Variants in ABCC2 observed in about 807,000 individuals in gnomAD.
ABCC2 encodes ATP binding cassette subfamily C member 2.
A neutral mutation model predicts 173.4 loss-of-function variants in ABCC2; 157 were observed. That is an observed-to-expected ratio of 0.91 (90% CI 0.80 to 1.03). The LOEUF (loss-of-function observed/expected upper bound fraction) is 1.03. Among genes scored for constraint, ABCC2 ranks in the 50% least tolerant of loss-of-function variants. The pLI is 0.00. For synonymous variants in ABCC2, 657 were observed against 693.5 expected, an observed-to-expected ratio of 0.95 and a Z score of 0.83; for missense variants, 1,822 against 1,852.3, an observed-to-expected ratio of 0.98 and a Z score of 0.30.
chr10:99,826,002 G>A (rs1424583699), intron 19 of ABCC2, among the ~76,000 whole-genome samples: 1 of 152,236 alleles, frequency 6.6e-6, no homozygotes, highest in Non-Finnish European at 1.5e-5. Context: ...TCCCGACAAT[G>A]GTTGCCCATT....
chr10:99,835,351 GGTTATTGGAGGGAACATCT>G (rs2038804111), intron 24 of ABCC2, among the ~76,000 whole-genome samples: 2 of 151,980 alleles, frequency 1.3e-5, no homozygotes, highest in South Asian at 4.2e-4. Flanking sequence ...CAAGAAGCAG[GGTTATTGGAGGGAACATCT>G]GTATGTCCAT....
At chr10:99,832,996 G>A (rs748807115) in intron 23 of ABCC2, among the ~76,000 whole-genome samples, 10 of 152,230 alleles carry the variant, frequency 6.6e-5, no homozygotes, top group Non-Finnish European at 1.2e-4. Flanking sequence ...AATTCTGAAT[G>A]ATAAGTAACT....
intron 7 of ABCC2, among the ~76,000 whole-genome samples, 197 bp from the exon 8 acceptor site, chr10:99,799,010 T>C (rs1268844718): frequency 6.6e-6 from 1 of 152,068 alleles, no homozygotes; most frequent in Non-Finnish European, 1.5e-5. Flanking sequence ...TAATCTAAAA[T>C]AGATTACAAG....
chr10:99,834,123 C>T (rs2038781692), intron 23 of ABCC2, among the ~76,000 whole-genome samples: 1 of 152,200 alleles, frequency 6.6e-6, no homozygotes, highest in African/African-American at 2.4e-5. Context: ...CTCAGGTGAT[C>T]CACCCGCCTC....
chr10:99,799,724 G>A (rs370917551), intron 8 of ABCC2, among the ~76,000 whole-genome samples: 3 of 152,052 alleles, frequency 2.0e-5, no homozygotes, highest in African/African-American at 7.2e-5. Flanking sequence ...AGCCTTCCAC[G>A]GGAGGTTCAG....
intron 2 of ABCC2, among the ~76,000 whole-genome samples, chr10:99,785,766 G>GC (rs1280803643): frequency 6.6e-6 from 1 of 152,018 alleles, no homozygotes; most frequent in African/African-American, 2.4e-5. Flanking sequence ...GATCCCTCCT[G>GC]CCTTGGCCTC....
intron 16 of ABCC2, among the ~76,000 whole-genome samples, chr10:99,816,438 C>T (rs1248760978): frequency 2.0e-5 from 3 of 152,134 alleles, no homozygotes; most frequent in African/African-American, 7.2e-5. Flanking sequence ...CTTGTGCCAC[C>T]AAGCCCAGCT....
At chr10:99,812,719 C>T (rs368197848) in intron 15 of ABCC2, among the ~76,000 whole-genome samples, 1 of 152,108 alleles carries the variant, frequency 6.6e-6, no homozygotes, top group African/African-American at 2.4e-5. Flanking sequence ...CAATGGGTAA[C>T]CATGTTAGTT....
At position 99,805,450 on chromosome 10, in the gene ABCC2, G is replaced by A. The variant is rs1028475163; in HGVS notation, c.1530+3G>A. 1.2e-6 allele frequency: 2 copies of A among 1,613,710 alleles called. No individual in the cohort carries two copies. Among genetic ancestry groups the A allele is most frequent in the Admixed American group, 1.7e-5 (1 of 60,018 alleles). On this transcript the variant is annotated splice_donor_region_variant and intron_variant, in intron 11 of 31. Transcript: ENST00000647814. ...ATGAGATTCTTAGTGGAATCAAGGT[G>A]AGAATCTGAGCGTAGGTGGCTCTCT...
intron 8 of ABCC2, 114 bp downstream of exon 8, chr10:99,799,484 G>A (rs1590149486): frequency 1.0e-5 from 13 of 1,288,754 alleles, no homozygotes; most frequent in East Asian, 9.2e-5. Context: ...AAAAATGCTC[G>A]TAATTTTCTT....
intron 15 of ABCC2, 55 bp downstream of exon 15, chr10:99,811,657 A>G: frequency 6.3e-7 from 1 of 1,589,116 alleles, no homozygotes; most frequent in Non-Finnish European, 8.6e-7. Flanking sequence ...TGCCTGGCCT[A>G]TTCTCAGAAA....
chr10:99,807,498 G>A lies in ABCC2; in HGVS notation c.1645G>A (p.Val549Ile), dbSNP rs763886522. The A allele has an allele frequency of 1.5e-5, 24 of 1,613,980 alleles. No individual in the cohort carries two copies. The highest frequency in any genetic ancestry group is 4.5e-5 in the East Asian group (2 of 44,892). The change falls in exon 12 of 32, where the codon GTC (valine) becomes ATC (isoleucine). Residue 549 changes from valine (V) to isoleucine (I), a missense_variant. Transcript: ENST00000647814. ...TCAACTACAGTGTGTAGTAATATTC[G>A]TCTTCCAGTTAACTCCAGTCCTGGT... is the stretch of plus-strand genomic sequence containing the variant. Reference protein sequence around the residue: ...FSQLQCVVIFVFQLTPVLVSV... With the variant: ...FSQLQCVVIFIFQLTPVLVSV...
chr10:99,798,768 C>T (rs2037963119), intron 7 of ABCC2, among the ~76,000 whole-genome samples: 1 of 152,120 alleles, frequency 6.6e-6, no homozygotes, highest in Non-Finnish European at 1.5e-5. Flanking sequence ...CGAAATAAGG[C>T]ACATTTTAAG....
At chr10:99,816,643 C>T (rs1373136540) in intron 16 of ABCC2, among the ~76,000 whole-genome samples, 1 of 152,128 alleles carries the variant, frequency 6.6e-6, no homozygotes, top group Non-Finnish European at 1.5e-5. Context: ...GTCCCCAACC[C>T]CGTGGGCCTC....
Position 99,851,647 on chromosome 10 carries a change from G to C in ABCC2, c.*16G>C. The C allele has an allele frequency of 1.4e-5, 22 of 1,611,310 alleles. No homozygotes were observed. The highest frequency in any genetic ancestry group is 1.9e-5 in the Non-Finnish European group (22 of 1,177,628). On this transcript the variant is annotated 3_prime_UTR_variant, in exon 32 of 32. Coordinates refer to ENST00000647814, the MANE Select transcript of ABCC2 (RefSeq NM_000392.5). ...AAAATTCTAGCAGAAGGCCCCATGG[G>C]TTAGAAAAGGACTATAAGAATAATT...
At position 99,814,295 on chromosome 10, in the gene ABCC2, A is replaced by G. The variant is rs1486055795; in HGVS notation, c.2094+1151A>G. On this transcript the variant is annotated intron_variant, in intron 16 of 31. Coordinates refer to ENST00000647814, the MANE Select transcript of ABCC2 (RefSeq NM_000392.5). ...TACACACGTATGTATACACACACGTATGTATACACACATGTATATACACAC... is the reference window on the plus strand; with the variant it reads ...TACACACGTATGTATACACACACGTGTGTATACACACATGTATATACACAC... Among the ~76,000 whole-genome samples, 4 of 75,948 alleles carry G rather than the reference A, an allele frequency of 5.3e-5. 1 individual carries two copies. Among genetic ancestry groups the G allele is most frequent in the Non-Finnish European group, 1.1e-4 (4 of 37,520 alleles). The allele number at this position is 75,948 out of a possible 152,430, so 49.8% of individuals were successfully genotyped here.
At chr10:99,802,552 G>T (rs1403619112) in intron 9 of ABCC2, among the ~76,000 whole-genome samples, 4 of 151,792 alleles carry the variant, frequency 2.6e-5, no homozygotes, top group Admixed American at 1.3e-4. Context: ...GCAGTGGGTT[G>T]ATTCCTCTAG....
Position 99,843,901 on chromosome 10 carries a change from G to A in ABCC2, c.3843+1G>A. The A allele has an allele frequency of 6.2e-7, 1 of 1,612,370 alleles. No homozygotes were observed. The highest frequency in any genetic ancestry group is 8.5e-7 in the Non-Finnish European group (1 of 1,178,364). On this transcript the variant is annotated splice_donor_variant, in intron 27 of 31. Coordinates refer to ENST00000647814, the MANE Select transcript of ABCC2 (RefSeq NM_000392.5). LOFTEE classifies it high-confidence loss of function. ...TGAGTACACAAAAGTGGAAAATGAG[G>A]TAAGGAGGAACTGGAAAAATCCAGG...
intron 1 of ABCC2, among the ~76,000 whole-genome samples, chr10:99,784,152 G>C (rs565216754): frequency 3.0e-4 from 45 of 152,164 alleles, no homozygotes; most frequent in Admixed American, 1.2e-3. Flanking sequence ...GGCCATCAGA[G>C]AGCAAATGTT....
Sources: allele counts gnomAD v4.1 joint callset (sites outside exome capture counted in the v4.1 genomes callset), GRCh38; gene constraint gnomAD v4.1.1; transcripts MANE v1.5; gene names NCBI Gene and HGNC (gene_info 2026-07-23, HGNC 2026-07-21).